Variants in GPR84 observed in about 807,000 individuals in gnomAD.
GPR84 encodes the protein G-protein coupled receptor 84.
A neutral mutation model predicts 14.9 loss-of-function variants in GPR84; 8 were observed. The ratio of observed to expected loss-of-function variants is 0.54; its 90% CI spans 0.31 to 0.97. GPR84 has a LOEUF of 0.97. Among genes scored for constraint, GPR84 ranks in the 50% least tolerant of loss-of-function variants. The probability of loss-of-function intolerance (pLI) is 0.04; values close to 1 mark genes in which losing one functional copy is unlikely to be tolerated. For synonymous variants in GPR84, 164 were observed against 198.1 expected (o/e 0.83, Z 1.45); for missense variants, 424 against 498.7 (o/e 0.85, Z 1.43).
intron 1 of GPR84, 37 bp from the exon 2 acceptor site, chr12:54,363,896 A>G: frequency 7.4e-7 from 1 of 1,358,992 alleles, no homozygotes. Context: ...AGAGGGAATC[A>G]GAACCTAGCA....
At chr12:54,361,151 TAG>T (rs1178561786), downstream of GPR84, among the ~76,000 whole-genome samples, 1 of 152,070 alleles carries the variant, frequency 6.6e-6, no homozygotes, top group Non-Finnish European at 1.5e-5. This position sits in a 1 kb window ranked among gnomAD's most constrained non-coding sequence, Gnocchi z 4.3. Flanking sequence ...CCCTTTTAAC[TAG>T]AGTCTTTGTT....
chr12:54,355,595 CCT>C, the GPR84 span, among the ~76,000 whole-genome samples: 6 of 152,054 alleles, frequency 3.9e-5, no homozygotes, highest in African/African-American at 1.5e-4. Flanking sequence ...AGCCCCATCC[CCT>C]CACTGCCCAC....
chr12:54,356,168 G>A, the GPR84 span, among the ~76,000 whole-genome samples: 1 of 152,152 alleles, frequency 6.6e-6, no homozygotes, highest in African/African-American at 2.4e-5. Context: ...CTCAAGAACA[G>A]GCCCTGGTTG....
At chr12:54,355,615 G>T in the GPR84 span, among the ~76,000 whole-genome samples, 1 of 150,936 alleles carries the variant, frequency 6.6e-6, no homozygotes, top group African/African-American at 2.4e-5. Context: ...CACCCCCCAT[G>T]CCTGCCCACC....
At chr12:54,355,832 C>T in the GPR84 span, among the ~76,000 whole-genome samples, 9 of 152,120 alleles carry the variant, frequency 5.9e-5, no homozygotes, top group Non-Finnish European at 1.0e-4. Context: ...AGCACTAGGC[C>T]GGATGCCGGG....
At chr12:54,354,200 G>A in the GPR84 span, among the ~76,000 whole-genome samples, 2 of 146,370 alleles carry the variant, frequency 1.4e-5, no homozygotes, top group Non-Finnish European at 3.0e-5. Context: ...CTGCAGTCTC[G>A]ACCTCCCTGG....
At chr12:54,361,274 T>C (rs1222378855), downstream of GPR84, among the ~76,000 whole-genome samples, 3 of 152,020 alleles carry the variant, frequency 2.0e-5, no homozygotes, top group East Asian at 5.8e-4. This position sits in a 1 kb window ranked among gnomAD's most constrained non-coding sequence, Gnocchi z 4.3. Context: ...CACTGTCTCC[T>C]GGGTTCAAGC....
the GPR84 span, among the ~76,000 whole-genome samples, chr12:54,355,353 T>TGTGTGCGCGC: frequency 5.3e-5 from 8 of 151,536 alleles, no homozygotes; most frequent in African/African-American, 1.9e-4. Flanking sequence ...TGTGTGTGTG[T>TGTGTGCGCGC]GCGCATGGCA....
At chr12:54,354,427 TTTTG>T in the GPR84 span, among the ~76,000 whole-genome samples, 289 of 150,574 alleles carry the variant, frequency 1.9e-3, 1 homozygote, top group African/African-American at 5.6e-3. Context: ...TGGTGTCCTT[TTTTG>T]TTTGTTTGTT....
Position 54,363,080 on chromosome 12 carries a change from G to T in GPR84, c.772C>A (p.Pro258Thr). Residue 258 changes from proline to threonine, a missense_variant, in exon 2 of 2, where the codon CCA becomes ACA. By Grantham distance (38) the Pro-to-Thr change is conservative. Transcript: ENST00000267015. ...GGPSEGISSE[P>T]VSAATTQTLE... ...GTCTGGGTGGTGGCAGCACTGACTG[G>T]CTCAGATGAAATCCCCTCACTGGGT... is the stretch of plus-strand genomic sequence containing the variant. 1 of 1,614,150 alleles carries T rather than the reference G, an allele frequency of 6.2e-7. No homozygotes were observed. The highest frequency in any genetic ancestry group is 8.5e-7 in the Non-Finnish European group (1 of 1,180,030).
At chr12:54,354,476 A>G in the GPR84 span, among the ~76,000 whole-genome samples, 5 of 151,802 alleles carry the variant, frequency 3.3e-5, no homozygotes, top group African/African-American at 1.2e-4. Context: ...TCTGTTGCCC[A>G]GGCTGGAGTG....
Position 54,363,128 on chromosome 12 carries a change from C to A in GPR84, c.724G>T (p.Asp242Tyr), listed in dbSNP as rs775599695. Residue 242 changes from aspartate to tyrosine, a missense_variant, in exon 2 of 2, where the codon GAC (aspartate) becomes TAC (tyrosine). Coordinates refer to ENST00000267015, the MANE Select transcript of GPR84 (RefSeq NM_020370.3). ...GGTCCTCCTGATGCTAACCTGCTGT[C>A]CAGCTCCTGGAAACGACCAGGCATG... is the stretch of plus-strand genomic sequence containing the variant. ...EAMPGRFQEL[D>Y]SRLASGGPSE... The A allele has an allele frequency of 3.7e-6, 6 of 1,614,084 alleles. No homozygotes were observed. The Admixed American group carries it at 8.3e-5, about 22-fold the overall frequency.
the GPR84 span, chr12:54,350,881 G>A: frequency 1.1e-5 from 3 of 281,528 alleles, no homozygotes; most frequent in Non-Finnish European, 2.1e-5. Context: ...GAAAGAATGT[G>A]CTGAGTGTTT....
downstream of GPR84, among the ~76,000 whole-genome samples, chr12:54,361,683 A>AT (rs1196336484): frequency 1.3e-5 from 2 of 151,744 alleles, no homozygotes; most frequent in East Asian, 3.9e-4. The surrounding 1 kb of genome is among the most constrained non-coding windows in gnomAD (Gnocchi z 4.3). Flanking sequence ...TAATTTTTGT[A>AT]TTTTAGTAGA....
In GPR84 at chr12:54,362,726, G is replaced by A. The variant is rs1166788635; in HGVS notation, c.1126C>T (p.Gln376Ter). Residue 376 changes from glutamine (Q) to a stop codon, truncating the protein, a stop_gained, in exon 2 of 2, where the codon CAA becomes TAA. Transcript: ENST00000267015. LOFTEE classifies it high-confidence loss of function. The surrounding 1 kb of genome is among the most constrained non-coding windows in gnomAD (Gnocchi z 4.0). ...NPVLYAAMNRQFRQAYGSILK... is the reference protein window; with the variant it reads ...NPVLYAAMNR The stretch of plus-strand genomic sequence containing the variant: ...ATGGAGCCATATGCTTGGCGGAATT[G>A]GCGGTTCATGGCTGCATAGAGCACA... 1 of 1,614,044 alleles carries A rather than the reference G, an allele frequency of 6.2e-7. No individual in the cohort carries two copies. The highest frequency in any genetic ancestry group is 2.2e-5 in the East Asian group (1 of 44,882).
rs759842822 is a variant in GPR84, at chr12:54,363,637, A to G, written c.215T>C (p.Leu72Pro). 6.2e-7 allele frequency: 1 copy of G among 1,613,926 alleles called. No individual in the cohort carries two copies. The highest frequency in any genetic ancestry group is 8.5e-7 in the Non-Finnish European group (1 of 1,179,870). The change falls in exon 2 of 2, where the codon CTC becomes CCC. Residue 72 changes from leucine to proline, a missense_variant. By Grantham distance (98) the Leu-to-Pro change is moderately conservative. Coordinates refer to ENST00000267015, the MANE Select transcript of GPR84 (RefSeq NM_020370.3). ...GGTGTCCACAGAGAAGGGCTGAAGG[A>G]GCGTGCAGTAGAGGAGATCAGCCAG... ...LTLADLLYCT[L>P]LQPFSVDTYL...
In GPR84 at chr12:54,363,719, AGG is replaced by A; in HGVS notation, c.131_132del (p.Ala44ValfsTer22). ...GTVGNVLTLL[A>X]LAIQPKLRTR... is the part of the protein sequence containing the mutation. ...GTACGGAGCTTGGGCTGGATGGCCAAGGCCAGTAGGGTGAGCACATTGCCCAC... is the reference window on the plus strand; with the variant it reads ...GTACGGAGCTTGGGCTGGATGGCCAACCAGTAGGGTGAGCACATTGCCCAC... On this transcript the variant is annotated frameshift_variant, in exon 2 of 2. Coordinates refer to ENST00000267015, the MANE Select transcript of GPR84 (RefSeq NM_020370.3). LOFTEE classifies it high-confidence loss of function. 6.2e-7 allele frequency: 1 copy of A among 1,614,070 alleles called. No homozygotes were observed. The highest frequency in any genetic ancestry group is 8.5e-7 in the Non-Finnish European group (1 of 1,179,988).
At chr12:54,364,060 C>G in intron 1 of GPR84, 1 of 469,232 alleles carries the variant, frequency 2.1e-6, no homozygotes, top group Non-Finnish European at 3.8e-6. Context: ...CTTTCCCATT[C>G]TCAAATATTT....
downstream of GPR84, among the ~76,000 whole-genome samples, chr12:54,359,250 A>T (rs901240494): frequency 6.6e-6 from 1 of 151,994 alleles, no homozygotes; most frequent in African/African-American, 2.4e-5. Context: ...TGGTAGAGTG[A>T]CTCGTAAATC....
Sources: allele counts gnomAD v4.1 joint callset (sites outside exome capture counted in the v4.1 genomes callset), GRCh38; gene constraint gnomAD v4.1.1; non-coding constraint Gnocchi (gnomAD v3.1); transcripts MANE v1.5; gene names NCBI Gene and HGNC (gene_info 2026-07-23, HGNC 2026-07-21).